ZC3H12B: variants seen among roughly 807,000 people sequenced by gnomAD.
ZC3H12B encodes the protein zinc finger CCCH-type containing 12B.
In ZC3H12B, 7 loss-of-function variants were observed where a neutral mutation model predicts 43.9. That is an observed-to-expected ratio of 0.16 (90% confidence interval 0.09 to 0.30). The LOEUF is 0.30. Among genes scored for constraint, ZC3H12B ranks in the 10% least tolerant of loss-of-function variants. The pLI is 1.00. For missense variants in ZC3H12B, 475 were observed against 670.2 expected (o/e 0.71, Z 3.22); for synonymous variants, 222 against 241.7 (o/e 0.92, Z 0.76).
chrX:65,216,091 G>A, the ZC3H12B span, among the ~76,000 whole-genome samples: 1 of 111,364 alleles, frequency 9.0e-6, no homozygotes, highest in South Asian at 3.8e-4. Flanking sequence ...AAATCCTCCA[G>A]CCGTTGTCTC....
At chrX:65,280,164 A>G in the ZC3H12B span, among the ~76,000 whole-genome samples, 8 of 112,280 alleles carry the variant, frequency 7.1e-5, no homozygotes, top group Non-Finnish European at 1.3e-4. Flanking sequence ...AAATATTACT[A>G]TGAAACTGAA....
chrX:65,350,048 C>G, the ZC3H12B span, among the ~76,000 whole-genome samples: 1 of 111,434 alleles, frequency 9.0e-6, no homozygotes, highest in Non-Finnish European at 1.9e-5. Flanking sequence ...GGCAGAGACA[C>G]AACAAAAAAA....
chrX:65,213,267 A>T, the ZC3H12B span, among the ~76,000 whole-genome samples: 2 of 110,205 alleles, frequency 1.8e-5, no homozygotes, highest in Admixed American at 2.0e-4. Context: ...TATTTTTTAT[A>T]CTCTATCTAC....
chrX:65,472,821 C>T (rs1273316185), intron 3 of ZC3H12B, among the ~76,000 whole-genome samples: 3 of 41,986 alleles, frequency 7.1e-5, no homozygotes, highest in Admixed American at 7.4e-4. Flanking sequence ...ATTACCATAC[C>T]TTTGATATAT....
At chrX:65,258,092 A>G in the ZC3H12B span, among the ~76,000 whole-genome samples, 1 of 111,697 alleles carries the variant, frequency 9.0e-6, no homozygotes, top group Non-Finnish European at 1.9e-5. Flanking sequence ...CAAAAAGGAA[A>G]ACTTCAGGCC....
At chrX:65,332,023 C>A in the ZC3H12B span, among the ~76,000 whole-genome samples, 7 of 111,318 alleles carry the variant, frequency 6.3e-5, no homozygotes, top group East Asian at 1.4e-3. Flanking sequence ...CTTATGCCAA[C>A]CTTCTATCTC....
the ZC3H12B span, among the ~76,000 whole-genome samples, chrX:65,172,258 C>T: frequency 8.9e-6 from 1 of 112,026 alleles, no homozygotes; most frequent in Non-Finnish European, 1.9e-5. Flanking sequence ...CTGTTCATAT[C>T]CTTTGCCTAC....
the ZC3H12B span, among the ~76,000 whole-genome samples, chrX:65,277,117 CA>C: frequency 9.0e-6 from 1 of 110,655 alleles, no homozygotes; most frequent in South Asian, 3.7e-4. Flanking sequence ...TAAAAAGAGA[CA>C]AAAAATGAGT....
At chrX:65,216,057 A>C in the ZC3H12B span, among the ~76,000 whole-genome samples, 3 of 111,240 alleles carry the variant, frequency 2.7e-5, no homozygotes, top group Non-Finnish European at 5.7e-5. Flanking sequence ...GATCAAGAAG[A>C]AGGCAGAGCA....
the ZC3H12B span, among the ~76,000 whole-genome samples, chrX:65,247,601 T>A: frequency 8.9e-6 from 1 of 112,229 alleles, no homozygotes; most frequent in East Asian, 2.8e-4. Context: ...AATGGATGGA[T>A]TTGGAAGCCA....
the ZC3H12B span, among the ~76,000 whole-genome samples, chrX:65,281,069 C>A: frequency 2.7e-5 from 3 of 110,465 alleles, no homozygotes; most frequent in Non-Finnish European, 5.7e-5. Flanking sequence ...CAAAGTAATT[C>A]TGATTAAAAA....
At chrX:65,357,510 TG>T in the ZC3H12B span, 4 of 117,757 alleles carry the variant, frequency 3.4e-5, no homozygotes, top group Non-Finnish European at 7.0e-5. Context: ...ACTCAGGGCC[TG>T]GACAGGGACA....
At chrX:65,312,130 A>G in the ZC3H12B span, among the ~76,000 whole-genome samples, 4 of 112,043 alleles carry the variant, frequency 3.6e-5, no homozygotes, top group Admixed American at 3.8e-4. Flanking sequence ...GTATCCTAGA[A>G]CTTAAGGTAT....
chrX:65,421,874 G>A (rs761655184), intron 3 of ZC3H12B, among the ~76,000 whole-genome samples: 4 of 109,104 alleles, frequency 3.7e-5, no homozygotes, highest in African/African-American at 1.0e-4. Context: ...TGTGAACCGG[G>A]CAGGCGGAGC....
intron 3 of ZC3H12B, among the ~76,000 whole-genome samples, chrX:65,466,616 T>G (rs1443373963): frequency 1.8e-5 from 2 of 108,129 alleles, no homozygotes; most frequent in African/African-American, 6.6e-5. Flanking sequence ...GTAAGGTAAT[T>G]CTATTTTTAA....
the ZC3H12B span, among the ~76,000 whole-genome samples, chrX:65,346,865 G>A: frequency 8.9e-6 from 1 of 112,323 alleles, no homozygotes; most frequent in Non-Finnish European, 1.9e-5. Context: ...TGGGGCGGCT[G>A]TGGGTGCAGC....
intron 2 of ZC3H12B, among the ~76,000 whole-genome samples, chrX:65,394,228 G>A (rs2066665451): frequency 8.9e-6 from 1 of 111,880 alleles, no homozygotes; most frequent in Non-Finnish European, 1.9e-5. Context: ...GACAATTTTG[G>A]CTTTTGTTGC....
rs2067238148 is a variant in ZC3H12B, at chrX:65,437,713, CTCTT to C, written n.407+39015_407+39018del. Among the ~76,000 whole-genome samples the C allele has an allele frequency of 4.8e-5, 5 of 103,537 alleles. No individual in the cohort carries two copies. The South Asian group carries it at 1.1e-3, about 23-fold the overall frequency. 89.9% of individuals were successfully genotyped at this position (103,537 alleles called of 115,157 possible). On this transcript the variant is annotated intron_variant and non_coding_transcript_variant, in intron 3 of 5. Transcript: ENST00000617377. ...ATGGGTTGTCTCTTCACTTCGTTGA[CTCTT>C]TCTTTTTTTTCTGTGTGGAAGCTTT... is the stretch of plus-strand genomic sequence containing the variant.
chrX:65,283,692 A>C, the ZC3H12B span, among the ~76,000 whole-genome samples: 1 of 111,691 alleles, frequency 9.0e-6, no homozygotes, highest in African/African-American at 3.3e-5. Context: ...ACTAGATTCC[A>C]CACCCTTTCT....
Sources: gnomAD v4.1 joint callset for allele counts (sites outside exome capture counted in the v4.1 genomes callset) on GRCh38, gnomAD v4.1.1 for gene constraint, MANE v1.5 for transcripts, NCBI Gene and HGNC (gene_info 2026-07-23, HGNC 2026-07-21) for gene names.